GTF2B: variants seen among roughly 807,000 people sequenced by gnomAD.
GTF2B encodes general transcription factor IIB, also known as transcription initiation factor IIB.
GTF2B carries 20 observed loss-of-function variants against 34.6 expected under a neutral mutation model. The ratio of observed to expected loss-of-function variants is 0.58; its 90% CI spans 0.41 to 0.84. The LOEUF is 0.84. Among genes scored for constraint, GTF2B ranks in the 40% least tolerant of loss-of-function variants. GTF2B has a pLI of 0.00. For synonymous variants in GTF2B, 142 were observed against 132.4 expected (o/e 1.07, Z -0.50); for missense variants, 237 against 393.3 (o/e 0.60, Z 3.36).
intron 2 of GTF2B, among the ~76,000 whole-genome samples, chr1:88,870,348 A>C (rs1401601124): frequency 1.3e-5 from 2 of 152,232 alleles, no homozygotes; most frequent in Non-Finnish European, 2.9e-5. Context: ...CAGCTCAATA[A>C]ATTAAAAATT....
At chr1:88,867,547 C>T (rs993580858) in intron 2 of GTF2B, among the ~76,000 whole-genome samples, 4 of 148,114 alleles carry the variant, frequency 2.7e-5, no homozygotes, top group Non-Finnish European at 4.4e-5. Flanking sequence ...AAATTTTAAG[C>T]TAAAAAAAAT....
intron 3 of GTF2B, among the ~76,000 whole-genome samples, chr1:88,862,945 TA>T (rs1292652634): frequency 1.3e-5 from 2 of 150,778 alleles, no homozygotes; most frequent in African/African-American, 4.9e-5. Flanking sequence ...AGACAGATTT[TA>T]AACAAGACTT....
In GTF2B at chr1:88,853,067, C is replaced by A; in HGVS notation, c.*146G>T. 1.4e-6 allele frequency: 1 copy of A among 733,402 alleles called. No homozygotes were observed. The highest frequency in any genetic ancestry group is 2.4e-6 in the Non-Finnish European group (1 of 409,870). 45.4% of individuals were successfully genotyped at this position (733,402 alleles called of 1,614,324 possible). On this transcript the variant is annotated 3_prime_UTR_variant, in exon 7 of 7. Coordinates refer to ENST00000370500, the MANE Select transcript of GTF2B (RefSeq NM_001514.6). ...AATATGTTTCACTAGTATATACATA[C>A]AGAATGCCAAGCAATAGTATTCAGC... is the stretch of plus-strand genomic sequence containing the variant.
chr1:88,871,516 CA>C (rs1477494078), intron 2 of GTF2B, among the ~76,000 whole-genome samples: 1 of 152,096 alleles, frequency 6.6e-6, no homozygotes, highest in Non-Finnish European at 1.5e-5. Context: ...CCAAAAGTGA[CA>C]GTAACATTTC....
intron 6 of GTF2B, among the ~76,000 whole-genome samples, chr1:88,855,411 G>T (rs1453689052): frequency 1.4e-5 from 2 of 145,728 alleles, no homozygotes; most frequent in Non-Finnish European, 3.0e-5. Context: ...GGAGTACAGT[G>T]GTGCAATCTA....
At chr1:88,859,678 A>C (rs561345837) in intron 5 of GTF2B, among the ~76,000 whole-genome samples, 4 of 152,316 alleles carry the variant, frequency 2.6e-5, no homozygotes, top group African/African-American at 9.6e-5. Context: ...TCTACTAAAA[A>C]TACAAAAGTT....
Position 88,864,256 on chromosome 1 carries a change from G to A in GTF2B, c.125-142C>T, listed in dbSNP as rs1375702210. ...GACCAAGCTTAAATATCACATTTCA[G>A]ACATTTGTCCTAAAGCATTCCTTTA... On this transcript the variant is annotated intron_variant, in intron 2 of 6. Transcript: ENST00000370500. 5 of 677,104 alleles carry A rather than the reference G, an allele frequency of 7.4e-6. No homozygotes were observed. The South Asian group carries it at 9.1e-5, about 12-fold the overall frequency. The allele number at this position is 677,104 out of a possible 1,614,324, so 41.9% of individuals were successfully genotyped here.
intron 2 of GTF2B, among the ~76,000 whole-genome samples, chr1:88,868,517 C>CT (rs1319348809): frequency 6.6e-6 from 1 of 150,464 alleles, no homozygotes; most frequent in African/African-American, 2.5e-5. Context: ...CACACATTAG[C>CT]TCTCAATCCA....
Position 88,858,033 on chromosome 1 carries a change from T to C in GTF2B, c.536-546A>G, listed in dbSNP as rs540500237. ...AGTTTTTTTGTTTTTTGAGATGAAATTTCACTCTGTCGTCCAGACTGGAGT... is the reference window on the plus strand; with the variant it reads ...AGTTTTTTTGTTTTTTGAGATGAAACTTCACTCTGTCGTCCAGACTGGAGT... On this transcript the variant is annotated intron_variant, in intron 5 of 6. Transcript: ENST00000370500. Among the ~76,000 whole-genome samples, 14 of 151,730 alleles carry C rather than the reference T, an allele frequency of 9.2e-5. 1 individual carries two copies. The East Asian group carries it at 2.7e-3, about 29-fold the overall frequency.
intron 2 of GTF2B, among the ~76,000 whole-genome samples, chr1:88,871,068 A>AT (rs1310508466): frequency 6.6e-6 from 1 of 151,782 alleles, no homozygotes; most frequent in East Asian, 1.9e-4. Flanking sequence ...CGCCTGGCTA[A>AT]TTTTTGTATT....
intron 6 of GTF2B, among the ~76,000 whole-genome samples, chr1:88,856,664 A>G (rs1054841737): frequency 1.3e-5 from 2 of 152,240 alleles, no homozygotes; most frequent in African/African-American, 4.8e-5. Context: ...AAAGATGTAC[A>G]AACTAAAATA....
intron 2 of GTF2B, among the ~76,000 whole-genome samples, chr1:88,876,269 G>T (rs1209066967): frequency 6.6e-6 from 1 of 152,188 alleles, no homozygotes; most frequent in Non-Finnish European, 1.5e-5. Flanking sequence ...TATAATTGGA[G>T]CATTAAATAT....
chr1:88,886,380 A>T (rs1171859639), intron 2 of GTF2B, among the ~76,000 whole-genome samples: 1 of 152,214 alleles, frequency 6.6e-6, no homozygotes, highest in Non-Finnish European at 1.5e-5. Flanking sequence ...TAATTTTTGA[A>T]CAGACTATCT....
At chr1:88,870,855 A>C (rs1371198577) in intron 2 of GTF2B, among the ~76,000 whole-genome samples, 1 of 151,192 alleles carries the variant, frequency 6.6e-6, no homozygotes, top group Non-Finnish European at 1.5e-5. Context: ...AGTTTATTAA[A>C]TGTCTGTCTT....
chr1:88,866,634 C>A (rs577641268), intron 2 of GTF2B, among the ~76,000 whole-genome samples: 1 of 152,194 alleles, frequency 6.6e-6, no homozygotes, highest in Non-Finnish European at 1.5e-5. Context: ...TCGTGAACCC[C>A]TAGGCTCAAG....
intron 2 of GTF2B, 74 bp downstream of exon 2, chr1:88,887,186 TG>T: frequency 1.1e-6 from 1 of 934,610 alleles, no homozygotes; most frequent in South Asian, 1.4e-5. Flanking sequence ...CCCGAAGTGC[TG>T]GAATTACAGG....
chr1:88,874,801 A>G (rs1450200286), intron 2 of GTF2B, among the ~76,000 whole-genome samples: 1 of 152,172 alleles, frequency 6.6e-6, no homozygotes, highest in Non-Finnish European at 1.5e-5. Flanking sequence ...ACTTGTCTTC[A>G]CAGGCTCATT....
chr1:88,888,340 T>TA (rs1269408032), intron 1 of GTF2B, among the ~76,000 whole-genome samples: 1 of 152,234 alleles, frequency 6.6e-6, no homozygotes, highest in Non-Finnish European at 1.5e-5. Context: ...GGAAAACTGA[T>TA]AAAATAATCC....
intron 2 of GTF2B, among the ~76,000 whole-genome samples, chr1:88,877,019 C>T (rs1278180787): frequency 2.0e-5 from 3 of 152,222 alleles, no homozygotes. Flanking sequence ...AAAATCTAAA[C>T]GTACAGAAAA....
Sources: allele counts gnomAD v4.1 joint callset (sites outside exome capture counted in the v4.1 genomes callset), GRCh38; gene constraint gnomAD v4.1.1; transcripts MANE v1.5; gene names NCBI Gene and HGNC (gene_info 2026-07-23, HGNC 2026-07-21).